MFSD2B: variants seen among roughly 807,000 people sequenced by gnomAD.
The protein encoded by MFSD2B is MFSD2 lysolipid transporter B, sphingolipid.
A neutral mutation model predicts 58.4 loss-of-function variants in MFSD2B; 56 were observed. The observed-to-expected ratio is 0.96, with a 90% CI of 0.77 to 1.20. The LOEUF (loss-of-function observed/expected upper bound fraction) is 1.20. Among genes scored for constraint, MFSD2B ranks in the 50% most tolerant of loss-of-function variants. The pLI is 0.00. For missense variants in MFSD2B, 645 were observed against 667.6 expected, an observed-to-expected ratio of 0.97 and a Z score of 0.37; for synonymous variants, 287 against 294.4, an observed-to-expected ratio of 0.97 and a Z score of 0.26.
Position 24,025,994 on chromosome 2 carries a change from C to G in MFSD2B, c.*538C>G, listed in dbSNP as rs1335198056. 2 of 153,400 alleles carry G rather than the reference C, an allele frequency of 1.3e-5. No individual in the cohort carries two copies. Among genetic ancestry groups the G allele is most frequent in the African/African-American group, 4.8e-5 (2 of 41,450 alleles). The allele number at this position is 153,400 out of a possible 1,614,324, so 9.5% of individuals were successfully genotyped here. The stretch of plus-strand genomic sequence containing the variant: ...CGCCTCAGCCTCCCAAAGGCATGAG[C>G]CACCGTACTCGGCCTGCCCAGGCTG... On this transcript the variant is annotated 3_prime_UTR_variant, in exon 14 of 14. Transcript: ENST00000338315.
intron 2 of MFSD2B, 98 bp downstream of exon 2, chr2:24,013,508 A>T: frequency 7.8e-7 from 1 of 1,279,322 alleles, no homozygotes; most frequent in Non-Finnish European, 1.0e-6. Flanking sequence ...CCTTGTAGAC[A>T]GCACTTCTGA....
chr2:24,019,261 A>C (rs182265561), intron 6 of MFSD2B, among the ~76,000 whole-genome samples: 98 of 152,294 alleles, frequency 6.4e-4, no homozygotes, highest in Middle Eastern at 3.4e-3. Context: ...CTTGTTAGAA[A>C]GGTAGATCCT....
In MFSD2B at chr2:24,023,793, C is replaced by G. The variant is rs1662887579; in HGVS notation, c.1313+67C>G. ...AGTGGGCAGGAAGAGGGCAAAGCCC[C>G]TCACCTACCAAGCTCAGGGCATCCA... On this transcript the variant is annotated intron_variant, in intron 12 of 13. Transcript: ENST00000338315. This position sits in a 1 kb window ranked among gnomAD's most constrained non-coding sequence, Gnocchi z 5.0. 6.4e-7 allele frequency: 1 copy of G among 1,573,082 alleles called. No homozygotes were observed. The highest frequency in any genetic ancestry group is 8.7e-7 in the Non-Finnish European group (1 of 1,152,944).
Position 24,021,674 on chromosome 2 carries a change from C to A in MFSD2B, c.708C>A (p.Ala236=). 6.2e-7 allele frequency: 1 copy of A among 1,613,422 alleles called. No homozygotes were observed. The highest frequency in any genetic ancestry group is 8.5e-7 in the Non-Finnish European group (1 of 1,179,686). Residue 236 remains alanine, a synonymous_variant, in exon 7 of 14, where the codon GCC becomes GCA. Coordinates refer to ENST00000338315, the MANE Select transcript of MFSD2B (RefSeq NM_001346880.2). The surrounding 1 kb of genome is among the most constrained non-coding windows in gnomAD (Gnocchi z 5.7). ...NAAHLYCIAA[A]VVVVTYPVCI... is the part of the protein sequence containing the mutation. ...CCCATCTCTACTGCATTGCGGCTGC[C>A]GTGGTTGTAGTGACTTACCCCGTGT...
intron 1 of MFSD2B, among the ~76,000 whole-genome samples, chr2:24,010,790 T>C (rs1468673398): frequency 6.6e-6 from 1 of 152,176 alleles, no homozygotes; most frequent in Non-Finnish European, 1.5e-5. Context: ...TGGGGCTTCC[T>C]GGGCCTCACT....
Position 24,025,309 on chromosome 2 carries a change from G to C in MFSD2B, c.1491-123G>C, listed in dbSNP as rs754569918. On this transcript the variant is annotated intron_variant, in intron 13 of 13. Coordinates refer to ENST00000338315, the MANE Select transcript of MFSD2B (RefSeq NM_001346880.2). ...TCATCTACAGGACTTGGGAGGGGAG[G>C]AGTTGAAGAGGAGTTGCTGGGAAGA... 8.8e-6 allele frequency: 7 copies of C among 793,158 alleles called. No homozygotes were observed. In the Admixed American group the frequency reaches 1.0e-4, roughly 11 times the overall value. 49.1% of individuals were successfully genotyped at this position (793,158 alleles called of 1,614,324 possible).
In MFSD2B at chr2:24,023,423, C is replaced by CG. The variant is rs1434782529; in HGVS notation, c.1170-154dup. On this transcript the variant is annotated intron_variant, in intron 11 of 13. Coordinates refer to ENST00000338315, the MANE Select transcript of MFSD2B (RefSeq NM_001346880.2). The surrounding 1 kb of genome is among the most constrained non-coding windows in gnomAD (Gnocchi z 5.0). ...TGGCGGGGGGCCGGCAGGGGGCTGGCGGGGGGTACGAGCACACAGGCCATC... is the reference window on the plus strand; with the variant it reads ...TGGCGGGGGGCCGGCAGGGGGCTGGCGGGGGGGTACGAGCACACAGGCCATC... 1 of 920,112 alleles carries CG rather than the reference C, an allele frequency of 1.1e-6. No homozygotes were observed. 57.0% of individuals were successfully genotyped at this position (920,112 alleles called of 1,614,324 possible).
Position 24,017,175 on chromosome 2 carries a change from G to A in MFSD2B, c.472-111G>A. On this transcript the variant is annotated intron_variant, in intron 4 of 13. Coordinates refer to ENST00000338315, the MANE Select transcript of MFSD2B (RefSeq NM_001346880.2). This position sits in a 1 kb window ranked among gnomAD's most constrained non-coding sequence, Gnocchi z 4.8. ...GCTCCGACTTCAGGTGGCCAGCTGG[G>A]ATATGTCACGTTGGCCTGTGGGTGT... is the stretch of plus-strand genomic sequence containing the variant. The A allele has an allele frequency of 1.5e-6, 2 of 1,307,070 alleles. No homozygotes were observed. Among genetic ancestry groups the A allele is most frequent in the East Asian group, 2.5e-5 (1 of 39,688 alleles). The allele number at this position is 1,307,070 out of a possible 1,614,324, so 81.0% of individuals were successfully genotyped here.
rs1176197610 is a variant in MFSD2B, at chr2:24,026,137, G to A, written c.*681G>A. ...TCTTAAGGACAAAATTGGTGTGTAA[G>A]TAACAGGAAATTCACATTATGCTGT... On this transcript the variant is annotated 3_prime_UTR_variant, in exon 14 of 14. Transcript: ENST00000338315. The A allele has an allele frequency of 6.6e-6, 1 of 152,502 alleles. No individual in the cohort carries two copies. Among genetic ancestry groups the A allele is most frequent in the African/African-American group, 2.4e-5 (1 of 41,438 alleles). The allele number at this position is 152,502 out of a possible 1,614,324, so 9.4% of individuals were successfully genotyped here. A position where few individuals can be genotyped will look rare whatever the true frequency, so the allele number is the denominator to read the frequency against.
rs916898425 is a variant in MFSD2B at position 24,017,669 on chromosome 2, C to G, written c.681+81C>G. On this transcript the variant is annotated intron_variant, in intron 6 of 13. Transcript: ENST00000338315. This position sits in a 1 kb window ranked among gnomAD's most constrained non-coding sequence, Gnocchi z 4.8. ...CTCCTTCCTCTAGGGCTGGTTCTCC[C>G]GTCCACACCACTTTGTTGTCTTTTA... 1.4e-6 allele frequency: 2 copies of G among 1,404,044 alleles called. No individual in the cohort carries two copies. Among genetic ancestry groups the G allele is most frequent in the East Asian group, 5.0e-5 (2 of 39,770 alleles). 87.0% of individuals were successfully genotyped at this position (1,404,044 alleles called of 1,614,324 possible).
Position 24,024,959 on chromosome 2 carries a change from T to C in MFSD2B, c.1491-473T>C, listed in dbSNP as rs1342094681. ...AACCTTGAAGGCTGAGGCTGGCTGT[T>C]TTATTCCTTTTTGTATCCCAAGAGC... On this transcript the variant is annotated intron_variant, in intron 13 of 13. Transcript: ENST00000338315. The surrounding 1 kb of genome is among the most constrained non-coding windows in gnomAD (Gnocchi z 4.3). 6.6e-6 allele frequency among the ~76,000 whole-genome samples: 1 copy of C among 152,104 alleles called. No individual in the cohort carries two copies. Among genetic ancestry groups the C allele is most frequent in the East Asian group, 1.9e-4 (1 of 5,192 alleles).
rs748489541 is a variant in MFSD2B, at chr2:24,022,464, C to A, written c.926C>A (p.Thr309Lys). 1 of 1,613,394 alleles carries A rather than the reference C, an allele frequency of 6.2e-7. No individual in the cohort carries two copies. Among genetic ancestry groups the A allele is most frequent in the Non-Finnish European group, 8.5e-7 (1 of 1,179,704 alleles). ...VEQSYLVLFC[T>K]HASQLHDHVQ... ...CAGAGCTACCTGGTCCTGTTCTGTA[C>A]ACATGCCTCCCAGCTACACGACCAC... is the stretch of plus-strand genomic sequence containing the variant. Residue 309 changes from threonine to lysine, a missense_variant, in exon 9 of 14, where the codon ACA becomes AAA. By Grantham distance (78) the Thr-to-Lys change is moderately conservative (BLOSUM62 -1). Coordinates refer to ENST00000338315, the MANE Select transcript of MFSD2B (RefSeq NM_001346880.2). This position sits in a 1 kb window ranked among gnomAD's most constrained non-coding sequence, Gnocchi z 4.5.
Position 24,022,789 on chromosome 2 carries a change from C to T in MFSD2B, c.979-33C>T, listed in dbSNP as rs17712391. On this transcript the variant is annotated intron_variant, in intron 9 of 13. Transcript: ENST00000338315. The surrounding 1 kb of genome is among the most constrained non-coding windows in gnomAD (Gnocchi z 4.5). Reference sequence around the variant, plus strand: ...GTCCCAGGCAAAGGCGCTGGCAGCACGGCCCTGGCGTGACGATGCTGTCTG... The same window carrying T: ...GTCCCAGGCAAAGGCGCTGGCAGCATGGCCCTGGCGTGACGATGCTGTCTG... 0.12 allele frequency: 182,228 copies of T among 1,475,752 alleles called. 11,846 individuals carry two copies. Among genetic ancestry groups the T allele is most frequent in the Middle Eastern group, 0.18 (1,021 of 5,584 alleles). 91.4% of individuals were successfully genotyped at this position (1,475,752 alleles called of 1,614,324 possible).
At position 24,016,887 on chromosome 2, in the gene MFSD2B, C is replaced by T. The variant is rs939131273; in HGVS notation, c.390C>T (p.Phe130=). 9 of 1,613,774 alleles carry T rather than the reference C, an allele frequency of 5.6e-6. No homozygotes were observed. Among genetic ancestry groups the T allele is most frequent in the Non-Finnish European group, 7.6e-6 (9 of 1,179,878 alleles). Residue 130 remains phenylalanine, a synonymous_variant, in exon 4 of 14, where the codon TTC becomes TTT. Transcript: ENST00000338315. ...CTPFIALAYF[F]LWFLPPFTSL... ...CCTTCATCGCCCTGGCCTACTTCTTCCTGTGGTTCCTGCCCCCCTTCACCA... is the reference window on the plus strand; with the variant it reads ...CCTTCATCGCCCTGGCCTACTTCTTTCTGTGGTTCCTGCCCCCCTTCACCA...
chr2:24,014,420 C>T (rs1356831984), intron 2 of MFSD2B, among the ~76,000 whole-genome samples: 2 of 152,196 alleles, frequency 1.3e-5, no homozygotes, highest in Admixed American at 6.5e-5. Flanking sequence ...TCCCAAAGTG[C>T]TGGGATTACA....
chr2:24,016,111 T>C, intron 2 of MFSD2B, 45 bp from the exon 3 acceptor site: 2 of 1,610,350 alleles, frequency 1.2e-6, no homozygotes, highest in Non-Finnish European at 1.7e-6. Context: ...GGCTCTCTGC[T>C]GCTGCTGGGC....
In MFSD2B at chr2:24,017,586, G is replaced by A; in HGVS notation, c.679G>A (p.Ala227Thr). Residue 227 changes from alanine (A) to threonine (T), a missense_variant and splice_region_variant, in exon 6 of 14, where the codon GCA becomes ACA. Ala to Thr is a moderately conservative substitution (Grantham distance 58). Coordinates refer to ENST00000338315, the MANE Select transcript of MFSD2B (RefSeq NM_001346880.2). The surrounding 1 kb of genome is among the most constrained non-coding windows in gnomAD (Gnocchi z 4.8). ...GGGGCCAGTCACTGTCTCCCCGAAT[G>A]CAGTAAGTGCACTGGGTGGCAAGGC... The part of the protein sequence containing the change: ...TPGPVTVSPN[A>T]AHLYCIAAAV... The A allele has an allele frequency of 6.4e-7, 1 of 1,551,990 alleles. No individual in the cohort carries two copies. The highest frequency in any genetic ancestry group is 1.4e-5 in the African/African-American group (1 of 73,492).
Position 24,012,114 on chromosome 2 carries a change from A to G in MFSD2B, c.97-1171A>G, listed in dbSNP as rs1708973416. The stretch of plus-strand genomic sequence containing the variant: ...TTCAAACTGCAATGGTATTGACTGA[A>G]TACCATGGATCTGGAAACAAACAAA... On this transcript the variant is annotated intron_variant, in intron 1 of 13. Coordinates refer to ENST00000338315, the MANE Select transcript of MFSD2B (RefSeq NM_001346880.2). This position sits in a 1 kb window ranked among gnomAD's most constrained non-coding sequence, Gnocchi z 4.5. Among the ~76,000 whole-genome samples, 1 of 151,650 alleles carries G rather than the reference A, an allele frequency of 6.6e-6. No individual in the cohort carries two copies. Among genetic ancestry groups the G allele is most frequent in the Admixed American group, 6.6e-5 (1 of 15,164 alleles).
chr2:24,020,193 G>T lies in MFSD2B; in HGVS notation c.682-1455G>T, dbSNP rs368305386. Among the ~76,000 whole-genome samples the T allele has an allele frequency of 1.2e-3, 187 of 152,326 alleles. 6 individuals carry two copies. Among genetic ancestry groups the T allele is most frequent in the African/African-American group, 4.4e-3 (182 of 41,576 alleles). ...GTTGGGGAAGGGAAAGTATCAAGGA[G>T]TGGGGAGCAGGAGGCTGAGAACCCA... On this transcript the variant is annotated intron_variant, in intron 6 of 13. Coordinates refer to ENST00000338315, the MANE Select transcript of MFSD2B (RefSeq NM_001346880.2). The surrounding 1 kb of genome is among the most constrained non-coding windows in gnomAD (Gnocchi z 4.1).
Sources: gnomAD v4.1 joint callset for allele counts (sites outside exome capture counted in the v4.1 genomes callset) on GRCh38, gnomAD v4.1.1 for gene constraint, Gnocchi (gnomAD v3.1) non-coding constraint, MANE v1.5 for transcripts, NCBI Gene and HGNC (gene_info 2026-07-23, HGNC 2026-07-21) for gene names.